The following WDR86 variants were observed in gnomAD, a reference collection of about 807,000 sequenced individuals.
The protein encoded by WDR86 is WD repeat domain 86, also known as WD repeat-containing protein 86.
Under a neutral mutation model 36.5 loss-of-function variants are expected in WDR86, and 30 were observed. The observed-to-expected ratio is 0.82, with a 90% CI of 0.61 to 1.11. WDR86 has a LOEUF of 1.11. Among genes scored for constraint, WDR86 ranks in the 50% most tolerant of loss-of-function variants. The pLI is 0.00. For synonymous variants in WDR86, 255 were observed against 252.9 expected (o/e 1.01, Z -0.08); for missense variants, 545 against 561.2 (o/e 0.97, Z 0.29).
downstream of WDR86, among the ~76,000 whole-genome samples, chr7:151,373,854 T>C (rs1798076376): frequency 6.6e-6 from 1 of 151,990 alleles, no homozygotes; most frequent in Admixed American, 6.5e-5. Context: ...AGGCACCTCC[T>C]TCCTGCCCCA....
chr7:151,374,044 GCTGTGAAATCTCAGTCC>G, downstream of WDR86: 6 of 1,502,808 alleles, frequency 4.0e-6, no homozygotes, highest in Non-Finnish European at 5.4e-6. Context: ...AGACTGAGAG[GCTGTGAAATCTCAGTCC>G]CTAACTTGGG....
downstream of WDR86, chr7:151,376,288 G>T: frequency 2.1e-6 from 1 of 468,364 alleles, no homozygotes; most frequent in Non-Finnish European, 3.9e-6. Flanking sequence ...CCCAAGTGAC[G>T]GCTCTGTCCA....
rs1800750740 is a variant in WDR86, at chr7:151,406,980, CT to C, written c.163+2446del. Among the ~76,000 whole-genome samples, 1 of 152,124 alleles carries C rather than the reference CT, an allele frequency of 6.6e-6. No homozygotes were observed. The highest frequency in any genetic ancestry group is 2.4e-5 in the African/African-American group (1 of 41,400). On this transcript the variant is annotated intron_variant, in intron 1 of 5. Coordinates refer to ENST00000334493, the MANE Select transcript of WDR86 (RefSeq NM_198285.3). The surrounding 1 kb of genome is among the most constrained non-coding windows in gnomAD (Gnocchi z 4.4). ...AAAGGAACTGGCAACACCTTGCTTT[CT>C]TTGGGGATCCACACAAAAGGACTGT...
chr7:151,400,725 TCTCAGAAAGCACGGG>T (rs1430246531), intron 1 of WDR86, among the ~76,000 whole-genome samples: 5 of 152,206 alleles, frequency 3.3e-5, no homozygotes, highest in Non-Finnish European at 7.3e-5. Context: ...TCTGAGTGAT[TCTCAGAAAGCACGGG>T]GTACCAGTGA....
At chr7:151,382,027 C>A (rs1326466442) in intron 4 of WDR86, 46 bp from the exon 5 acceptor site, 2 of 1,528,276 alleles carry the variant, frequency 1.3e-6, no homozygotes, top group South Asian at 2.4e-5. Flanking sequence ...TGCTCGGCCC[C>A]CCGCAAGCAG....
downstream of WDR86, chr7:151,376,404 T>G (rs1232171678): frequency 5.5e-6 from 3 of 542,880 alleles, no homozygotes; most frequent in Non-Finnish European, 9.8e-6. Context: ...CCGAGGTCAC[T>G]GCCTGTCCTG....
Position 151,409,188 on chromosome 7 carries a change from C to A in WDR86, c.163+239G>T. 3.4e-5 allele frequency: 21 copies of A among 612,552 alleles called. No homozygotes were observed. The highest frequency in any genetic ancestry group is 3.8e-4 in the Middle Eastern group (1 of 2,608). 37.9% of individuals were successfully genotyped at this position (612,552 alleles called of 1,614,324 possible). A position where few individuals can be genotyped will look rare whatever the true frequency, so the allele number is the denominator to read the frequency against. ...TTTGTAGCGGACGCCCCTCGACCCA[C>A]CCACCCGATCCCGGCCGCACCCTGC... On this transcript the variant is annotated intron_variant, in intron 1 of 5. Coordinates refer to ENST00000334493, the MANE Select transcript of WDR86 (RefSeq NM_198285.3). The surrounding 1 kb of genome is among the most constrained non-coding windows in gnomAD (Gnocchi z 5.2).
chr7:151,402,791 A>G (rs1800437518), intron 1 of WDR86, among the ~76,000 whole-genome samples: 1 of 152,208 alleles, frequency 6.6e-6, no homozygotes, highest in South Asian at 2.1e-4. Flanking sequence ...GGGTGCAGTT[A>G]GATAGCTTGA....
Position 151,405,299 on chromosome 7 carries a change from G to A in WDR86, c.163+4128C>T, listed in dbSNP as rs143877341. Among the ~76,000 whole-genome samples, 44 of 152,190 alleles carry A rather than the reference G, an allele frequency of 2.9e-4. No individual in the cohort carries two copies. Among genetic ancestry groups the A allele is most frequent in the Middle Eastern group, 3.4e-3 (1 of 294 alleles). On this transcript the variant is annotated intron_variant, in intron 1 of 5. Coordinates refer to ENST00000334493, the MANE Select transcript of WDR86 (RefSeq NM_198285.3). This position sits in a 1 kb window ranked among gnomAD's most constrained non-coding sequence, Gnocchi z 4.7. ...CCTCCCCCAGCTCCGACCCTGCAGG[G>A]CTCCCTCAGGCTGGCTGTGGCCATC...
rs534797707 is a variant in WDR86 at position 151,393,251 on chromosome 7, C to T, written c.726+2525G>A. Among the ~76,000 whole-genome samples the T allele has an allele frequency of 6.7e-4, 102 of 152,268 alleles. 1 individual carries two copies. The highest frequency in any genetic ancestry group is 2.2e-3 in the African/African-American group (90 of 41,544). On this transcript the variant is annotated intron_variant, in intron 3 of 5. Transcript: ENST00000334493. ...TGCCTGTGGGGTGTGCGTTCACACG[C>T]GCGTATCATGCATGTGCATGTGGAG... is the stretch of plus-strand genomic sequence containing the variant.
rs74922993 is a variant in WDR86 at position 151,391,809 on chromosome 7, G to A, written c.726+3967C>T. On this transcript the variant is annotated intron_variant, in intron 3 of 5. Coordinates refer to ENST00000334493, the MANE Select transcript of WDR86 (RefSeq NM_198285.3). ...GAAACTCCCGTCTACCGAGAATCTA[G>A]GAGTCCAAGTACAGGGGTGCGCCTC... Among the ~76,000 whole-genome samples, 336 of 152,240 alleles carry A rather than the reference G, an allele frequency of 2.2e-3. 14 individuals carry two copies. The East Asian group carries it at 0.049, about 22-fold the overall frequency.
At chr7:151,376,870 A>G (rs1474356901), downstream of WDR86, 1 of 1,516,208 alleles carries the variant, frequency 6.6e-7, no homozygotes, top group Admixed American at 2.0e-5. Context: ...AAGCCAACAG[A>G]TGTGGCCCTA....
intron 1 of WDR86, among the ~76,000 whole-genome samples, chr7:151,407,050 G>A (rs181560199): frequency 6.6e-6 from 1 of 152,194 alleles, no homozygotes; most frequent in African/African-American, 2.4e-5. Flanking sequence ...CGTATCAGTA[G>A]AATCTCAGGA....
chr7:151,393,249 C>T (rs1163509786), intron 3 of WDR86, among the ~76,000 whole-genome samples: 5 of 152,180 alleles, frequency 3.3e-5, no homozygotes, highest in Non-Finnish European at 5.9e-5. Flanking sequence ...TGCGTTCACA[C>T]GCGCGTATCA....
chr7:151,376,517 A>T, downstream of WDR86: 1 of 950,668 alleles, frequency 1.1e-6, no homozygotes, highest in Non-Finnish European at 1.5e-6. Context: ...ACAAAGGGCC[A>T]TGGTGCACAC....
chr7:151,373,990 G>GA, downstream of WDR86: 1 of 1,314,108 alleles, frequency 7.6e-7, no homozygotes, highest in East Asian at 2.5e-5. Flanking sequence ...CTTTGCTTTG[G>GA]TTTTTTGGCT....
At chr7:151,389,488 G>A (rs1032898497) in intron 3 of WDR86, among the ~76,000 whole-genome samples, 1 of 152,174 alleles carries the variant, frequency 6.6e-6, no homozygotes, top group African/African-American at 2.4e-5. Context: ...TGGCCCACCA[G>A]GAAACCTCAG....
downstream of WDR86, chr7:151,378,052 G>GT (rs1036152754): frequency 7.6e-4 from 116 of 152,176 alleles, no homozygotes; most frequent in African/African-American, 2.7e-3. Context: ...TTTTCTCCAG[G>GT]TTTTTTGTGG....
chr7:151,410,520 A>T (rs1801133443), upstream of WDR86: 2 of 151,954 alleles, frequency 1.3e-5, no homozygotes, highest in Admixed American at 1.3e-4. Context: ...CCAGGATTCT[A>T]CTTTGGTCTG....
Sources: allele counts gnomAD v4.1 joint callset (sites outside exome capture counted in the v4.1 genomes callset), GRCh38; gene constraint gnomAD v4.1.1; non-coding constraint Gnocchi (gnomAD v3.1); transcripts MANE v1.5; gene names NCBI Gene and HGNC (gene_info 2026-07-23, HGNC 2026-07-21).